Variants in GPR158 observed in about 807,000 individuals in gnomAD.
GPR158 encodes the protein metabotropic glycine receptor.
GPR158 carries 30 observed loss-of-function variants against 78.2 expected under a neutral mutation model. That is an observed-to-expected ratio of 0.38 (90% CI 0.29 to 0.52). GPR158 has a LOEUF of 0.52. Among genes scored for constraint, GPR158 ranks in the 20% least tolerant of loss-of-function variants. GPR158 has a pLI of 0.83. For missense variants in GPR158, 1,463 were observed against 1,523.5 expected (o/e 0.96, Z 0.66); for synonymous variants, 581 against 591.1 (o/e 0.98, Z 0.25).
At chr10:25,420,324 ACAT>A (rs386742019) in intron 4 of GPR158, among the ~76,000 whole-genome samples, 5 of 73,784 alleles carry the variant, frequency 6.8e-5, no homozygotes, top group East Asian at 2.2e-4. Flanking sequence ...TATTTTTGAA[ACAT>A]TTTTTTGTAG....
chr10:25,195,539 T>G (rs1852832395), intron 1 of GPR158, among the ~76,000 whole-genome samples: 1 of 152,152 alleles, frequency 6.6e-6, no homozygotes, highest in Non-Finnish European at 1.5e-5. Context: ...TTCCATTTGT[T>G]AAAGAAAATT....
chr10:25,313,789 ATTTTC>A (rs886484288), intron 2 of GPR158, among the ~76,000 whole-genome samples: 48 of 151,976 alleles, frequency 3.2e-4, no homozygotes, highest in Admixed American at 9.2e-4. Flanking sequence ...TTGATTGGTA[ATTTTC>A]TTTTCTTGTG....
At chr10:25,319,576 C>A (rs1451161313) in intron 2 of GPR158, among the ~76,000 whole-genome samples, 3 of 152,086 alleles carry the variant, frequency 2.0e-5, no homozygotes, top group Admixed American at 1.3e-4. Context: ...AAAGCTATAA[C>A]ATACTTTTCT....
intron 6 of GPR158, among the ~76,000 whole-genome samples, chr10:25,566,258 A>C (rs1052839528): frequency 6.6e-6 from 1 of 152,160 alleles, no homozygotes; most frequent in African/African-American, 2.4e-5. Context: ...CTTACAGCAA[A>C]ATTTTCTCTG....
intron 1 of GPR158, among the ~76,000 whole-genome samples, chr10:25,182,770 C>G (rs911089908): frequency 2.6e-5 from 4 of 152,218 alleles, no homozygotes; most frequent in Admixed American, 6.5e-5. Context: ...TACTGTGATG[C>G]CAAGGCGTAT....
intron 2 of GPR158, among the ~76,000 whole-genome samples, chr10:25,382,770 A>T (rs891764382): frequency 2.4e-4 from 36 of 152,084 alleles, no homozygotes; most frequent in African/African-American, 8.0e-4. Flanking sequence ...TTTTAGTACA[A>T]AGTCTCCCCA....
At chr10:25,526,267 A>C (rs1382452984) in intron 5 of GPR158, among the ~76,000 whole-genome samples, 1 of 152,146 alleles carries the variant, frequency 6.6e-6, no homozygotes, top group African/African-American at 2.4e-5. Context: ...AGAAACTAGA[A>C]GGGATTTAAT....
chr10:25,403,534 T>C (rs946488759), intron 3 of GPR158, among the ~76,000 whole-genome samples: 2 of 149,422 alleles, frequency 1.3e-5, no homozygotes, highest in Non-Finnish European at 3.0e-5. Context: ...GTTCTAAGTC[T>C]CATCTTCAAG....
At chr10:25,422,858 C>CCCA (rs946244005) in intron 4 of GPR158, among the ~76,000 whole-genome samples, 1 of 142,160 alleles carries the variant, frequency 7.0e-6, no homozygotes, top group Middle Eastern at 3.6e-3. Flanking sequence ...TTACCCCCCC[C>CCCA]ACACTTTCCC....
chr10:25,208,826 G>GT (rs939092282), intron 1 of GPR158, among the ~76,000 whole-genome samples: 1 of 149,850 alleles, frequency 6.7e-6, no homozygotes, highest in Non-Finnish European at 1.5e-5. Flanking sequence ...GTCACTTCCT[G>GT]TTTTTTTCTT....
chr10:25,525,362 A>G (rs1258197095), intron 5 of GPR158, among the ~76,000 whole-genome samples: 1 of 152,220 alleles, frequency 6.6e-6, no homozygotes, highest in Non-Finnish European at 1.5e-5. Flanking sequence ...AATAGCTCAA[A>G]AGTGGAAGCA....
chr10:25,473,619 C>A (rs1231041932), intron 5 of GPR158, among the ~76,000 whole-genome samples: 1 of 152,144 alleles, frequency 6.6e-6, no homozygotes, highest in Middle Eastern at 3.4e-3. Context: ...ATTAATATTG[C>A]CTCAATTTCA....
intron 2 of GPR158, among the ~76,000 whole-genome samples, chr10:25,300,125 G>A (rs531218614): frequency 2.0e-5 from 3 of 152,300 alleles, no homozygotes; most frequent in East Asian, 3.9e-4. Context: ...CAATGCAAAT[G>A]TATATCTTAC....
At chr10:25,249,277 C>T (rs953037287) in intron 2 of GPR158, among the ~76,000 whole-genome samples, 14 of 152,064 alleles carry the variant, frequency 9.2e-5, no homozygotes, top group African/African-American at 2.4e-4. Flanking sequence ...TTTGACTTCC[C>T]CTTTTCCTAA....
chr10:25,292,434 T>G (rs1854452516), intron 2 of GPR158, among the ~76,000 whole-genome samples: 1 of 152,158 alleles, frequency 6.6e-6, no homozygotes, highest in Non-Finnish European at 1.5e-5. Context: ...TTCTTTCCTT[T>G]TTGATGACTT....
intron 1 of GPR158, among the ~76,000 whole-genome samples, chr10:25,219,605 G>A (rs74123699): frequency 5.1e-4 from 78 of 152,274 alleles, no homozygotes; most frequent in African/African-American, 1.2e-3. Flanking sequence ...GGAGGTTTTA[G>A]TGTCCCTATA....
At chr10:25,499,017 C>G (rs1835919943) in intron 5 of GPR158, among the ~76,000 whole-genome samples, 1 of 152,108 alleles carries the variant, frequency 6.6e-6, no homozygotes, top group Non-Finnish European at 1.5e-5. Flanking sequence ...TGGAAGAATA[C>G]AGAATTGAAT....
intron 2 of GPR158, among the ~76,000 whole-genome samples, chr10:25,391,233 CA>C (rs1170353374): frequency 1.7e-4 from 26 of 152,164 alleles, no homozygotes; most frequent in Non-Finnish European, 2.9e-5. Context: ...GTGGGAACCC[CA>C]ACACAGCGTC....
intron 5 of GPR158, among the ~76,000 whole-genome samples, chr10:25,528,809 A>C (rs976488579): frequency 6.6e-6 from 1 of 152,198 alleles, no homozygotes; most frequent in Non-Finnish European, 1.5e-5. Flanking sequence ...AAACTAGCTA[A>C]GTCAGTGTTT....
Sources: gnomAD v4.1 joint callset for allele counts (sites outside exome capture counted in the v4.1 genomes callset) on GRCh38, gnomAD v4.1.1 for gene constraint, MANE v1.5 for transcripts, NCBI Gene and HGNC (gene_info 2026-07-23, HGNC 2026-07-21) for gene names.